The following SPACA1 variants were observed in gnomAD, a reference collection of about 807,000 sequenced individuals.
SPACA1 encodes sperm acrosome associated 1.
A neutral mutation model predicts 32.6 loss-of-function variants in SPACA1; 17 were observed. That is an observed-to-expected ratio of 0.52 (90% CI 0.36 to 0.78). The LOEUF (loss-of-function observed/expected upper bound fraction) is 0.78. Ranked by LOEUF, SPACA1 falls within the 30% of genes least tolerant of loss-of-function variation. SPACA1 has a pLI of 0.01. For synonymous variants in SPACA1, 140 were observed against 138.1 expected, an observed-to-expected ratio of 1.01 and a Z score of -0.10; for missense variants, 363 against 373.4, an observed-to-expected ratio of 0.97 and a Z score of 0.23.
intron 2 of SPACA1, among the ~76,000 whole-genome samples, chr6:88,057,191 A>G (rs569336924): frequency 3.9e-5 from 6 of 152,344 alleles, no homozygotes; most frequent in Admixed American, 1.3e-4. Context: ...CATGTTATCA[A>G]TTGTAAATGT....
chr6:88,048,152 C>T (rs1775673114), intron 1 of SPACA1, 39 bp downstream of exon 1: 1 of 1,542,334 alleles, frequency 6.5e-7, no homozygotes, highest in Admixed American at 2.0e-5. Flanking sequence ...CGCGGAGGCC[C>T]CTGTTGACGG....
rs1417948791 is a variant in SPACA1 at position 88,058,841 on chromosome 6, T to G, written c.474+19T>G. 3.3e-6 allele frequency: 5 copies of G among 1,515,130 alleles called. No homozygotes were observed. The Admixed American group carries it at 7.0e-5, about 21-fold the overall frequency. 93.9% of individuals were successfully genotyped at this position (1,515,130 alleles called of 1,614,324 possible). ...AGACCAAGTGAGTAATGAATGGATA[T>G]AACCTGGTGCTTTCTAGTGAGTGAT... On this transcript the variant is annotated intron_variant, in intron 4 of 6. Coordinates refer to ENST00000237201, the MANE Select transcript of SPACA1 (RefSeq NM_030960.3).
chr6:88,051,089 G>C (rs150906040), intron 1 of SPACA1, among the ~76,000 whole-genome samples: 3,213 of 151,990 alleles, frequency 0.021, 55 homozygotes, highest in South Asian at 0.038. Context: ...GGAGCTTGCA[G>C]TGAGCCGAGA....
intron 5 of SPACA1, 93 bp downstream of exon 5, chr6:88,059,681 C>A: frequency 1.6e-6 from 2 of 1,249,662 alleles, no homozygotes; most frequent in Non-Finnish European, 2.2e-6. Context: ...CAGTCTCTAG[C>A]CCTCCCCCCA....
chr6:88,059,403 A>C (rs1336318296), intron 4 of SPACA1, 50 bp from the exon 5 acceptor site: 1 of 1,468,078 alleles, frequency 6.8e-7, no homozygotes, highest in Non-Finnish European at 9.2e-7. Flanking sequence ...TTTCCTGGTA[A>C]GTGTACATGA....
intron 5 of SPACA1, among the ~76,000 whole-genome samples, chr6:88,061,321 CT>C (rs973886686): frequency 3.3e-5 from 5 of 151,998 alleles, no homozygotes; most frequent in African/African-American, 1.2e-4. Context: ...GGAAATAGGA[CT>C]TTTTACAGAT....
chr6:88,057,690 G>A lies in SPACA1; in HGVS notation c.344G>A (p.Cys115Tyr). ...ESKCVVRVEE[C>Y]RGPTDCGWGK... ...AAGTGTGTTGTACGGGTAGAAGAAT[G>A]CCGTGGACCAACAGATTGTGGCTGT... is the stretch of plus-strand genomic sequence containing the variant. Residue 115 changes from cysteine (C) to tyrosine (Y), a missense_variant, in exon 3 of 7, where the codon TGC (cysteine) becomes TAC (tyrosine). Physicochemically the swap from Cys to Tyr is radical, Grantham distance 194. Coordinates refer to ENST00000237201, the MANE Select transcript of SPACA1 (RefSeq NM_030960.3). 1 of 1,614,002 alleles carries A rather than the reference G, an allele frequency of 6.2e-7. No individual in the cohort carries two copies. The highest frequency in any genetic ancestry group is 8.5e-7 in the Non-Finnish European group (1 of 1,179,910).
intron 2 of SPACA1, among the ~76,000 whole-genome samples, 195 bp from the exon 3 acceptor site, chr6:88,057,417 C>T (rs1044160307): frequency 3.3e-5 from 5 of 152,128 alleles, no homozygotes; most frequent in Non-Finnish European, 7.3e-5. Context: ...ACGTAACTCA[C>T]TCCAGAAAAT....
intron 2 of SPACA1, among the ~76,000 whole-genome samples, chr6:88,055,308 A>T (rs1775790205): frequency 6.6e-6 from 1 of 152,216 alleles, no homozygotes; most frequent in Non-Finnish European, 1.5e-5. Flanking sequence ...GCATCGTTAT[A>T]GATGCTAGGG....
intron 4 of SPACA1, 141 bp downstream of exon 4, chr6:88,058,963 G>T: frequency 1.8e-6 from 1 of 556,380 alleles, no homozygotes; most frequent in South Asian, 3.0e-5. Context: ...TTATTATTTT[G>T]GAATTTTAAA....
At chr6:88,052,768 C>T (rs1044381147) in intron 1 of SPACA1, among the ~76,000 whole-genome samples, 5 of 151,998 alleles carry the variant, frequency 3.3e-5, no homozygotes, top group Middle Eastern at 6.3e-3. Flanking sequence ...GCCTGGGAGG[C>T]GGAGGTTGCA....
intron 2 of SPACA1, among the ~76,000 whole-genome samples, chr6:88,056,478 C>T (rs1488749538): frequency 1.3e-5 from 2 of 152,214 alleles, no homozygotes; most frequent in Non-Finnish European, 2.9e-5. Context: ...AGCCTTCTCC[C>T]TTACTATTCA....
intron 5 of SPACA1, among the ~76,000 whole-genome samples, 196 bp from the exon 6 acceptor site, chr6:88,063,903 T>C (rs573043414): frequency 4.6e-5 from 7 of 152,312 alleles, no homozygotes; most frequent in Admixed American, 2.6e-4. Flanking sequence ...AGGCTGTTCG[T>C]TGTCAAATTC....
chr6:88,053,182 G>T (rs775859355), intron 1 of SPACA1, among the ~76,000 whole-genome samples: 1 of 152,302 alleles, frequency 6.6e-6, no homozygotes, highest in East Asian at 1.9e-4. Flanking sequence ...TTGGACTCCA[G>T]TTCGATGTGT....
Sources: gnomAD v4.1 joint callset for allele counts (sites outside exome capture counted in the v4.1 genomes callset) on GRCh38, gnomAD v4.1.1 for gene constraint, MANE v1.5 for transcripts, NCBI Gene and HGNC (gene_info 2026-07-23, HGNC 2026-07-21) for gene names.